The following ACVR2A variants were observed in gnomAD, a reference collection of about 807,000 sequenced individuals.
The protein encoded by ACVR2A is activin A receptor type 2A.
ACVR2A carries 7 observed loss-of-function variants against 61.4 expected under a neutral mutation model. That is an observed-to-expected ratio of 0.11 (90% CI 0.06 to 0.21). ACVR2A has a LOEUF of 0.21. ACVR2A is among the 10% of genes least tolerant of loss of function. The probability of loss-of-function intolerance (pLI) is 1.00; values close to 1 mark genes in which losing one functional copy is unlikely to be tolerated. For synonymous variants in ACVR2A, 193 were observed against 208.3 expected (o/e 0.93, Z 0.63); for missense variants, 322 against 621.7 (o/e 0.52, Z 5.13).
At chr2:147,910,238 A>G (rs1009521859) in intron 4 of ACVR2A, among the ~76,000 whole-genome samples, 1 of 152,052 alleles carries the variant, frequency 6.6e-6, no homozygotes, top group African/African-American at 2.4e-5. Context: ...TTGGGCAGAG[A>G]CATACTTTTT....
intron 9 of ACVR2A, among the ~76,000 whole-genome samples, chr2:147,925,047 A>G (rs1173397666): frequency 6.6e-6 from 1 of 151,996 alleles, no homozygotes; most frequent in Admixed American, 6.6e-5. Context: ...GTGCATTTCA[A>G]GAGCTTCACA....
At chr2:147,903,703 C>G (rs1686924743) in intron 4 of ACVR2A, among the ~76,000 whole-genome samples, 1 of 151,824 alleles carries the variant, frequency 6.6e-6, no homozygotes, top group Non-Finnish European at 1.5e-5. Context: ...AGTTGTAATC[C>G]TCCTTGAAAG....
In ACVR2A at chr2:147,899,431, A is replaced by G. The variant is rs773625027; in HGVS notation, c.264-27A>G. ...GGGTCAGTATAATAATATTGATTTT[A>G]ATTATTTTTTCTCTGCTTATTTATA... On this transcript the variant is annotated intron_variant, in intron 2 of 10. Coordinates refer to ENST00000241416, the MANE Select transcript of ACVR2A (RefSeq NM_001616.5). 4 of 1,505,816 alleles carry G rather than the reference A, an allele frequency of 2.7e-6. No homozygotes were observed. In the Admixed American group the frequency reaches 7.4e-5, roughly 28 times the overall value. The allele number at this position is 1,505,816 out of a possible 1,614,324, so 93.3% of individuals were successfully genotyped here.
At chr2:147,866,997 T>A (rs1685872615) in intron 1 of ACVR2A, among the ~76,000 whole-genome samples, 1 of 152,110 alleles carries the variant, frequency 6.6e-6, no homozygotes, top group Non-Finnish European at 1.5e-5. Context: ...GTAGAGAAGA[T>A]CAAGGTGTGT....
intron 2 of ACVR2A, among the ~76,000 whole-genome samples, chr2:147,897,825 A>G (rs187445481): frequency 5.0e-4 from 76 of 152,318 alleles, no homozygotes; most frequent in Non-Finnish European, 5.9e-5. Context: ...ATTTCTATGT[A>G]CTTATATATT....
intron 9 of ACVR2A, among the ~76,000 whole-genome samples, chr2:147,924,770 CTTG>C: frequency 6.6e-6 from 1 of 151,822 alleles, no homozygotes; most frequent in Non-Finnish European, 1.5e-5. Flanking sequence ...TCTTAGGAAT[CTTG>C]TTAAAATTTA....
chr2:147,878,664 T>G (rs979749477), intron 1 of ACVR2A, among the ~76,000 whole-genome samples: 12 of 152,082 alleles, frequency 7.9e-5, no homozygotes, highest in African/African-American at 2.9e-4. Context: ...ATTCCAGCAC[T>G]TCAGGAGGCC....
chr2:147,855,702 CATGA>C (rs1313853998), intron 1 of ACVR2A, among the ~76,000 whole-genome samples: 2 of 150,856 alleles, frequency 1.3e-5, no homozygotes, highest in Admixed American at 6.6e-5. Flanking sequence ...AAAAAAAAAA[CATGA>C]ATGGATAGGC....
At chr2:147,862,733 G>C (rs1456369495) in intron 1 of ACVR2A, among the ~76,000 whole-genome samples, 2 of 147,312 alleles carry the variant, frequency 1.4e-5, no homozygotes, top group Non-Finnish European at 3.0e-5. Context: ...GACAGAGCGA[G>C]ACTCTGTCTC....
chr2:147,880,830 C>G (rs1390263231), intron 1 of ACVR2A, among the ~76,000 whole-genome samples: 1 of 152,116 alleles, frequency 6.6e-6, no homozygotes, highest in East Asian at 1.9e-4. Context: ...TGTGAAAGAC[C>G]TAGTGTCCTC....
chr2:147,847,828 C>A (rs922845708), intron 1 of ACVR2A, among the ~76,000 whole-genome samples: 3 of 152,254 alleles, frequency 2.0e-5, no homozygotes, highest in Admixed American at 1.3e-4. Context: ...CTTTTTATAG[C>A]ATTGTGGTTT....
At chr2:147,906,810 T>C (rs1041897217) in intron 4 of ACVR2A, among the ~76,000 whole-genome samples, 1 of 148,242 alleles carries the variant, frequency 6.7e-6, no homozygotes, top group Admixed American at 6.9e-5. Context: ...GTCCTGTTTA[T>C]CAAGTCCATT....
chr2:147,898,211 T>C (rs929196179), intron 2 of ACVR2A: 1 of 152,122 alleles, frequency 6.6e-6, no homozygotes, highest in African/African-American at 2.4e-5. Context: ...ATTTTGTTTT[T>C]ATACTCTAAA....
intron 1 of ACVR2A, among the ~76,000 whole-genome samples, chr2:147,845,875 T>C (rs1003322771): frequency 6.6e-6 from 1 of 152,312 alleles, no homozygotes; most frequent in South Asian, 2.1e-4. Context: ...GTGTGCTCTT[T>C]TGGGGCATAG....
At chr2:147,854,798 C>A (rs182852438) in intron 1 of ACVR2A, among the ~76,000 whole-genome samples, 2 of 152,086 alleles carry the variant, frequency 1.3e-5, no homozygotes, top group East Asian at 3.8e-4. Flanking sequence ...GATTGTCATA[C>A]GTGCTCGGAC....
At chr2:147,890,143 C>T (rs956151227) in intron 1 of ACVR2A, among the ~76,000 whole-genome samples, 4 of 152,054 alleles carry the variant, frequency 2.6e-5, no homozygotes, top group African/African-American at 9.7e-5. Flanking sequence ...CATTAGATTA[C>T]CAGTGGGTCT....
At chr2:147,918,877 G>A (rs1687315346) in intron 7 of ACVR2A, among the ~76,000 whole-genome samples, 1 of 151,948 alleles carries the variant, frequency 6.6e-6, no homozygotes, top group Non-Finnish European at 1.5e-5. Context: ...AAAGACATTT[G>A]TTTTACCTCA....
intron 1 of ACVR2A, among the ~76,000 whole-genome samples, chr2:147,851,355 A>T (rs939817819): frequency 6.6e-6 from 1 of 152,086 alleles, no homozygotes; most frequent in African/African-American, 2.4e-5. Context: ...TGGTCAAGTT[A>T]CTTCACCTTT....
Position 147,923,037 on chromosome 2 carries a change from C to T in ACVR2A, c.1142C>T (p.Ala381Val). ...LEGAINFQRD[A>V]FLRIDMYAMG... is the part of the protein sequence containing the mutation. ...GGTGCTATAAACTTCCAAAGGGATG[C>T]ATTTTTGAGGATAGATATGTATGCC... Residue 381 changes from alanine (A) to valine (V), a missense_variant, in exon 9 of 11, where the codon GCA becomes GTA. By Grantham distance (64) the Ala-to-Val change is moderately conservative. Around this residue, in one of 3 missense-constraint regions of ACVR2A, gnomAD observed 146 missense variants for 383.8 expected, o/e 0.38. Transcript: ENST00000241416. 6.2e-7 allele frequency: 1 copy of T among 1,613,362 alleles called. No homozygotes were observed. The highest frequency in any genetic ancestry group is 8.5e-7 in the Non-Finnish European group (1 of 1,179,514).
Sources: allele counts gnomAD v4.1 joint callset (sites outside exome capture counted in the v4.1 genomes callset), GRCh38; gene constraint gnomAD v4.1.1; regional missense constraint gnomAD v4.1.1; transcripts MANE v1.5; gene names NCBI Gene and HGNC (gene_info 2026-07-23, HGNC 2026-07-21).